Variants in GTF2A1L observed in about 807,000 individuals in gnomAD.
GTF2A1L encodes TFIIA-alpha and beta-like factor.
Under a neutral mutation model 49.7 loss-of-function variants are expected in GTF2A1L, and 48 were observed. The ratio of observed to expected loss-of-function variants is 0.97; its 90% CI spans 0.77 to 1.23. GTF2A1L has a LOEUF of 1.23. Ranked by LOEUF, GTF2A1L falls within the 50% of genes most tolerant of loss-of-function variation. The probability of loss-of-function intolerance (pLI) is 0.00; values close to 1 mark genes in which losing one functional copy is unlikely to be tolerated. For missense variants in GTF2A1L, 736 were observed against 564.8 expected (o/e 1.30, Z -3.07); for synonymous variants, 246 against 193.5 (o/e 1.27, Z -2.25).
Position 48,669,958 on chromosome 2 carries a change from C to T in GTF2A1L, c.1215C>T (p.Asp405=), listed in dbSNP as rs757914303. ...DSATNSSDNE[D]PQVNIVEEDP... ...CCACAAACAGTAGTGATAATGAAGA[C>T]CCTCAAGTAAACATTGTAGAAGAGG... The change falls in exon 7 of 9, where the codon GAC becomes GAT. Residue 405 remains aspartate (D), a synonymous_variant. Coordinates refer to ENST00000403751, the MANE Select transcript of GTF2A1L (RefSeq NM_006872.5). The T allele has an allele frequency of 4.3e-6, 7 of 1,613,378 alleles. No homozygotes were observed. Among genetic ancestry groups the T allele is most frequent in the Non-Finnish European group, 5.1e-6 (6 of 1,179,800 alleles).
chr2:48,679,390 T>C lies in GTF2A1L; in HGVS notation c.1385T>C (p.Phe462Ser). 6.2e-7 allele frequency: 1 copy of C among 1,612,458 alleles called. No homozygotes were observed. Among genetic ancestry groups the C allele is most frequent in the Non-Finnish European group, 8.5e-7 (1 of 1,179,046 alleles). ...KFYLKDGVMC[F>S]GGRDYVFAKA... ...TATTTGAAAGATGGTGTTATGTGTTTTGGAGGGAGAGACTATGTATTTGCA... is the reference window on the plus strand; with the variant it reads ...TATTTGAAAGATGGTGTTATGTGTTCTGGAGGGAGAGACTATGTATTTGCA... Residue 462 changes from phenylalanine to serine, a missense_variant, in exon 9 of 9, where the codon TTT becomes TCT. Transcript: ENST00000403751.
chr2:48,645,715 C>G (rs1677458344), intron 5 of GTF2A1L, among the ~76,000 whole-genome samples: 1 of 152,204 alleles, frequency 6.6e-6, no homozygotes, highest in African/African-American at 2.4e-5. Flanking sequence ...GTGGCGCAAT[C>G]TCTGCTCACT....
At chr2:48,677,344 C>T (rs763087018) in intron 8 of GTF2A1L, among the ~76,000 whole-genome samples, 1 of 151,548 alleles carries the variant, frequency 6.6e-6, no homozygotes, top group Non-Finnish European at 1.5e-5. Flanking sequence ...CTAGGGGGGC[C>T]TTATTGAGAA....
intron 6 of GTF2A1L, among the ~76,000 whole-genome samples, chr2:48,650,207 G>C (rs143273573): frequency 6.6e-6 from 1 of 152,084 alleles, no homozygotes; most frequent in African/African-American, 2.4e-5. Flanking sequence ...ATACACACTC[G>C]TGTGTAGTGG....
intron 3 of GTF2A1L, among the ~76,000 whole-genome samples, chr2:48,631,501 A>T (rs1558708328): frequency 6.6e-6 from 1 of 151,812 alleles, no homozygotes; most frequent in Non-Finnish European, 1.5e-5. Flanking sequence ...GCTTATTGGA[A>T]TCTTCCCTTT....
chr2:48,665,596 G>A (rs1387288897), intron 6 of GTF2A1L, among the ~76,000 whole-genome samples: 1 of 151,984 alleles, frequency 6.6e-6, no homozygotes, highest in African/African-American at 2.4e-5. Context: ...TTATAATTGT[G>A]TTGTTTAATT....
At chr2:48,671,203 T>C (rs1679145390) in intron 7 of GTF2A1L, among the ~76,000 whole-genome samples, 1 of 151,558 alleles carries the variant, frequency 6.6e-6, no homozygotes, top group Non-Finnish European at 1.5e-5. Flanking sequence ...TTCTTTGTTT[T>C]GTTTTGGTTT....
At chr2:48,618,335 T>C (rs1046520356) in intron 1 of GTF2A1L, among the ~76,000 whole-genome samples, 5 of 152,222 alleles carry the variant, frequency 3.3e-5, no homozygotes, top group Non-Finnish European at 7.3e-5. Flanking sequence ...TTTAGTGTCT[T>C]TCACTACCCG....
intron 3 of GTF2A1L, among the ~76,000 whole-genome samples, chr2:48,641,822 T>C (rs1015581954): frequency 1.3e-5 from 2 of 152,094 alleles, no homozygotes; most frequent in Non-Finnish European, 2.9e-5. Flanking sequence ...GTAGGTCGAG[T>C]TGTCATTCTG....
At chr2:48,642,643 T>C (rs1677262646) in intron 4 of GTF2A1L, among the ~76,000 whole-genome samples, 186 bp downstream of exon 4, 1 of 152,012 alleles carries the variant, frequency 6.6e-6, no homozygotes, top group Non-Finnish European at 1.5e-5. Flanking sequence ...TTGCCTGAGA[T>C]CAGGAGTTTG....
chr2:48,624,097 A>G (rs968903510), intron 3 of GTF2A1L, among the ~76,000 whole-genome samples: 2 of 104,656 alleles, frequency 1.9e-5, no homozygotes, highest in Non-Finnish European at 4.8e-5. Flanking sequence ...TTCGTTTTTT[A>G]TTTGTGTAGT....
intron 6 of GTF2A1L, among the ~76,000 whole-genome samples, chr2:48,661,375 T>C (rs1410348986): frequency 6.8e-6 from 1 of 146,186 alleles, no homozygotes; most frequent in Non-Finnish European, 1.5e-5. Context: ...TGCCTCAGCC[T>C]CCTGAGTAGC....
chr2:48,650,344 C>G (rs1362667071), intron 6 of GTF2A1L, among the ~76,000 whole-genome samples: 1 of 151,960 alleles, frequency 6.6e-6, no homozygotes, highest in African/African-American at 2.4e-5. Context: ...GAGATTAAAT[C>G]TAATTGATCT....
chr2:48,650,206 C>T (rs777286303), intron 6 of GTF2A1L, among the ~76,000 whole-genome samples: 3 of 152,044 alleles, frequency 2.0e-5, no homozygotes, highest in Non-Finnish European at 2.9e-5. Context: ...TATACACACT[C>T]GTGTGTAGTG....
Position 48,671,576 on chromosome 2 carries a change from A to G in GTF2A1L, c.1240-15A>G. On this transcript the variant is annotated splice_polypyrimidine_tract_variant and intron_variant, in intron 7 of 8. Coordinates refer to ENST00000403751, the MANE Select transcript of GTF2A1L (RefSeq NM_006872.5). ...CATCATAAAATTCCTTAATGTGATC[A>G]TCTTTCGTCTTTAGGACCCTTTAAA... 2 of 1,608,320 alleles carry G rather than the reference A, an allele frequency of 1.2e-6. No individual in the cohort carries two copies. Among genetic ancestry groups the G allele is most frequent in the South Asian group, 2.2e-5 (2 of 89,400 alleles).
chr2:48,667,071 C>G (rs868292458), intron 6 of GTF2A1L, among the ~76,000 whole-genome samples: 19 of 151,304 alleles, frequency 1.3e-4, no homozygotes, highest in Admixed American at 1.1e-3. Context: ...CTCAGGTGAT[C>G]TTCCTGCCTC....
chr2:48,620,818 T>TAAAA (rs771221838), intron 1 of GTF2A1L, 33 bp from the exon 2 acceptor site: 7 of 1,060,520 alleles, frequency 6.6e-6, no homozygotes, highest in South Asian at 3.0e-5. Flanking sequence ...AATAAATAAA[T>TAAAA]AAAATGAAAC....
chr2:48,617,869 G>A lies in GTF2A1L; in HGVS notation c.-6G>A. On this transcript the variant is annotated 5_prime_UTR_variant, in exon 1 of 9. Transcript: ENST00000403751. ...GCGCAAAGGGCCAGGTGCTGGAGGT[G>A]CTGTCATGGCCTGCCTCAACCCGGT... 1 of 1,551,832 alleles carries A rather than the reference G, an allele frequency of 6.4e-7. No individual in the cohort carries two copies.
At chr2:48,642,003 C>G (rs1430035746) in intron 3 of GTF2A1L, among the ~76,000 whole-genome samples, 1 of 152,030 alleles carries the variant, frequency 6.6e-6, no homozygotes, top group Non-Finnish European at 1.5e-5. Context: ...TTATGTTGAA[C>G]CTATACAATT....
Sources: gnomAD v4.1 joint callset for allele counts (sites outside exome capture counted in the v4.1 genomes callset) on GRCh38, gnomAD v4.1.1 for gene constraint, MANE v1.5 for transcripts, NCBI Gene and HGNC (gene_info 2026-07-23, HGNC 2026-07-21) for gene names.